TMEM132C: variants seen among roughly 807,000 people sequenced by gnomAD.
The protein encoded by TMEM132C is protein phosphatase 1, regulatory subunit 152.
TMEM132C carries 29 observed loss-of-function variants against 61.4 expected under a neutral mutation model. The ratio of observed to expected loss-of-function variants is 0.47; its 90% CI spans 0.35 to 0.64. TMEM132C has a LOEUF of 0.64. Ranked by LOEUF, TMEM132C falls within the 30% of genes least tolerant of loss-of-function variation. The pLI, the probability that TMEM132C is intolerant of heterozygous loss-of-function variation, is 0.00. For missense variants in TMEM132C, 1,408 were observed against 1,476.9 expected (o/e 0.95, Z 0.76); for synonymous variants, 656 against 633.1 (o/e 1.04, Z -0.54).
At chr12:128,396,485 T>C (rs1874961714) in intron 1 of TMEM132C, among the ~76,000 whole-genome samples, 1 of 150,766 alleles carries the variant, frequency 6.6e-6, no homozygotes, top group African/African-American at 2.5e-5. Context: ...GACGGGTTGA[T>C]GGGTGCAGCA....
At chr12:128,299,659 A>T (rs1030419207) in intron 1 of TMEM132C, among the ~76,000 whole-genome samples, 5 of 152,184 alleles carry the variant, frequency 3.3e-5, no homozygotes, top group Non-Finnish European at 5.9e-5. Context: ...GTATAGAGAG[A>T]ACTTTGGTAG....
At chr12:128,693,124 C>A (rs1954731991) in intron 5 of TMEM132C, among the ~76,000 whole-genome samples, 1 of 152,120 alleles carries the variant, frequency 6.6e-6, no homozygotes, top group African/African-American at 2.4e-5. Context: ...GGCACAGGGA[C>A]CGGCCTTGCC....
intron 2 of TMEM132C, among the ~76,000 whole-genome samples, chr12:128,511,911 G>A (rs956310145): frequency 6.6e-6 from 1 of 152,148 alleles, no homozygotes; most frequent in Non-Finnish European, 1.5e-5. Context: ...AGAGGCTGGT[G>A]CACCTGTCCT....
At chr12:128,453,267 T>TG (rs1430073125) in intron 2 of TMEM132C, among the ~76,000 whole-genome samples, 1 of 152,194 alleles carries the variant, frequency 6.6e-6, no homozygotes, top group African/African-American at 2.4e-5. Flanking sequence ...AGGGCTCAAC[T>TG]GGCAGTCTTG....
rs1477796295 is a variant in TMEM132C at position 128,682,971 on chromosome 12, A to G, written c.1450-10858A>G. On this transcript the variant is annotated intron_variant, in intron 5 of 8. Transcript: ENST00000435159. ...CCGCATTCTCTGCCTGCATCTTCAC[A>G]TGGCCGTCCTCCCTGTGCGTCTGCC... Among the ~76,000 whole-genome samples the G allele has an allele frequency of 1.1e-4, 17 of 152,078 alleles. No homozygotes were observed. In the East Asian group the frequency reaches 2.7e-3, roughly 24 times the overall value.
chr12:128,643,384 G>A (rs373286331), intron 4 of TMEM132C, among the ~76,000 whole-genome samples: 5 of 152,180 alleles, frequency 3.3e-5, no homozygotes, highest in Non-Finnish European at 7.3e-5. Context: ...TGGACCTCAC[G>A]TTCTGGCGGA....
intron 1 of TMEM132C, among the ~76,000 whole-genome samples, chr12:128,350,537 A>G (rs1005025133): frequency 1.3e-5 from 2 of 152,086 alleles, no homozygotes; most frequent in African/African-American, 2.4e-5. Flanking sequence ...CCCAGAGTGG[A>G]ATTAGCTGGG....
chr12:128,705,851 T>C lies in TMEM132C; in HGVS notation c.2883T>C (p.Gly961=). The C allele has an allele frequency of 5.2e-6, 8 of 1,551,580 alleles. No homozygotes were observed. Among genetic ancestry groups the C allele is most frequent in the Non-Finnish European group, 7.0e-6 (8 of 1,147,032 alleles). ...GGCACAAGCAAGTGCCCCTGGAAGG[T>C]CAGGCCTCCATGACCCACTCTCACG... ...KYRHKQVPLE[G]QASMTHSHDW... is the part of the protein sequence containing the mutation. The change falls in exon 9 of 9, where the codon GGT becomes GGC. Residue 961 remains glycine (G), a synonymous_variant. Coordinates refer to ENST00000435159, the MANE Select transcript of TMEM132C (RefSeq NM_001136103.3).
intron 1 of TMEM132C, among the ~76,000 whole-genome samples, chr12:128,296,380 C>T (rs1871416320): frequency 6.6e-6 from 1 of 152,196 alleles, no homozygotes; most frequent in Non-Finnish European, 1.5e-5. Flanking sequence ...CAAAGTCTTT[C>T]TGTCTCTCTA....
At chr12:128,295,638 C>CAAA (rs59555369) in intron 1 of TMEM132C, among the ~76,000 whole-genome samples, 1 of 116,014 alleles carries the variant, frequency 8.6e-6, no homozygotes, top group African/African-American at 3.3e-5. Flanking sequence ...TTAAGTCCTT[C>CAAA]AAAAAAAAAA....
intron 2 of TMEM132C, among the ~76,000 whole-genome samples, chr12:128,421,870 C>G (rs1868999308): frequency 6.6e-6 from 1 of 152,124 alleles, no homozygotes; most frequent in South Asian, 2.1e-4. Flanking sequence ...GAGGGTAAGC[C>G]CTTTTTCCAT....
Position 128,667,049 on chromosome 12 carries a change from G to A in TMEM132C, c.1306-2368G>A, listed in dbSNP as rs530432428. On this transcript the variant is annotated intron_variant, in intron 4 of 8. Transcript: ENST00000435159. ...CGCGCCACTGCACTCCAGCCTGGGC[G>A]ACAGAGCAAGACTCCGTCTCAAAAT... Among the ~76,000 whole-genome samples the A allele has an allele frequency of 1.1e-4, 17 of 152,306 alleles. No individual in the cohort carries two copies. The East Asian group carries it at 2.5e-3, about 22-fold the overall frequency.
chr12:128,555,072 G>T (rs1052862779), intron 3 of TMEM132C, among the ~76,000 whole-genome samples: 3 of 152,188 alleles, frequency 2.0e-5, no homozygotes, highest in African/African-American at 7.2e-5. Context: ...AGCCAGCATC[G>T]TGCTTCAGGG....
chr12:128,373,341 A>G (rs1010146794), intron 1 of TMEM132C, among the ~76,000 whole-genome samples: 1 of 152,160 alleles, frequency 6.6e-6, no homozygotes, highest in African/African-American at 2.4e-5. Flanking sequence ...CCCTAATTGT[A>G]ATTGGCCAGA....
chr12:128,416,226 C>T (rs1021460318), intron 2 of TMEM132C, among the ~76,000 whole-genome samples: 1 of 152,122 alleles, frequency 6.6e-6, no homozygotes, highest in African/African-American at 2.4e-5. Flanking sequence ...GCAGCATAAT[C>T]CACCTACTGT....
intron 2 of TMEM132C, among the ~76,000 whole-genome samples, chr12:128,456,921 A>C (rs754604622): frequency 2.6e-5 from 4 of 152,008 alleles, no homozygotes; most frequent in Non-Finnish European, 5.9e-5. Context: ...ATAATACACT[A>C]TTTTCGCTGG....
At chr12:128,546,858 A>G (rs796956400) in intron 3 of TMEM132C, among the ~76,000 whole-genome samples, 4 of 152,334 alleles carry the variant, frequency 2.6e-5, no homozygotes, top group Admixed American at 6.5e-5. Context: ...TTGTAAGGTA[A>G]CATATTCACA....
chr12:128,488,627 C>T (rs1053969327), intron 2 of TMEM132C, among the ~76,000 whole-genome samples: 2 of 151,898 alleles, frequency 1.3e-5, no homozygotes, highest in Admixed American at 1.3e-4. Context: ...TGCCACTGTA[C>T]TCTAGCATGG....
chr12:128,380,220 C>A (rs1874358199), intron 1 of TMEM132C, among the ~76,000 whole-genome samples: 1 of 152,232 alleles, frequency 6.6e-6, no homozygotes, highest in Non-Finnish European at 1.5e-5. Context: ...TGTTCTGGCT[C>A]AGGCTCATAG....
Sources: gnomAD v4.1 joint callset for allele counts (sites outside exome capture counted in the v4.1 genomes callset) on GRCh38, gnomAD v4.1.1 for gene constraint, MANE v1.5 for transcripts, NCBI Gene and HGNC (gene_info 2026-07-23, HGNC 2026-07-21) for gene names.